Variants in SATB1 observed in about 807,000 individuals in gnomAD.
SATB1 encodes the protein DNA-binding protein SATB1.
SATB1 carries 11 observed loss-of-function variants against 86.9 expected under a neutral mutation model. The observed-to-expected ratio is 0.13, with a 90% CI of 0.08 to 0.21. SATB1 has a LOEUF of 0.21. SATB1 is among the 10% of genes least tolerant of loss of function. The pLI, the probability that SATB1 is intolerant of heterozygous loss-of-function variation, is 1.00. For missense variants in SATB1, 551 were observed against 937.6 expected (o/e 0.59, Z 5.39); for synonymous variants, 357 against 357.2 (o/e 1.00, Z 0.01).
intron 8 of SATB1, among the ~76,000 whole-genome samples, chr3:18,382,489 A>G (rs185602345): frequency 5.3e-5 from 8 of 152,330 alleles, no homozygotes; most frequent in Admixed American, 2.0e-4. Context: ...TCTGTAAAAT[A>G]TACAATTCTC....
rs768860584 is a variant in SATB1 at position 18,397,146 on chromosome 3, T to G, written c.751+33A>C. On this transcript the variant is annotated intron_variant, in intron 6 of 10. Coordinates refer to ENST00000338745, the MANE Select transcript of SATB1 (RefSeq NM_002971.6). The stretch of plus-strand genomic sequence containing the variant: ...AACCCCCAAATGACACGTAATGGTA[T>G]GTAGCCACTGCTGCAATGTTTTTTT... 3 of 1,157,968 alleles carry G rather than the reference T, an allele frequency of 2.6e-6. No homozygotes were observed. In the African/African-American group the frequency reaches 4.5e-5, roughly 18 times the overall value. 71.7% of individuals were successfully genotyped at this position (1,157,968 alleles called of 1,614,324 possible).
intron 2 of SATB1, 196 bp downstream of exon 2, chr3:18,420,561 C>T (rs549036042): frequency 1.9e-4 from 114 of 588,522 alleles, no homozygotes; most frequent in African/African-American, 1.7e-3. Context: ...TACAGTAGAA[C>T]GCTCCACCCA....
At chr3:18,362,076 T>A (rs1694929743) in intron 9 of SATB1, among the ~76,000 whole-genome samples, 1 of 152,172 alleles carries the variant, frequency 6.6e-6, no homozygotes, top group South Asian at 2.1e-4. Flanking sequence ...TTTTCTTGTC[T>A]GTCTCTTCCA....
Position 18,417,006 on chromosome 3 carries a change from T to A in SATB1, c.284A>T (p.His95Leu). 2 of 1,613,704 alleles carry A rather than the reference T, an allele frequency of 1.2e-6. No individual in the cohort carries two copies. Among genetic ancestry groups the A allele is most frequent in the Non-Finnish European group, 1.7e-6 (2 of 1,179,682 alleles). Residue 95 changes from histidine (H) to leucine (L), a missense_variant, in exon 3 of 11, where the codon CAT (histidine) becomes CTT (leucine). By Grantham distance (99) the His-to-Leu change is moderately conservative. Transcript: ENST00000338745. ...NAIEYDCKEE[H>L]AEFVLVRKDM... ...CTTTCTCACCAGCACAAATTCTGCA[T>A]GCTCCTCCTTGCAATCATATTCAAT...
chr3:18,378,399 C>G, intron 8 of SATB1, 74 bp from the exon 9 acceptor site: 1 of 1,397,290 alleles, frequency 7.2e-7, no homozygotes, highest in East Asian at 2.3e-5. Context: ...GCTCAGCATC[C>G]AAACTGGACA....
chr3:18,438,671 C>A (rs983869293), exon 1 of SATB1: 1 of 152,234 alleles, frequency 6.6e-6, no homozygotes, highest in Non-Finnish European at 1.5e-5. Flanking sequence ...GCACTGCTAG[C>A]AAGGCAGAAA....
Position 18,345,626 on chromosome 3 carries a change from T to A in SATB1, c.*3544A>T, listed in dbSNP as rs1481627656. 1 of 152,104 alleles carries A rather than the reference T, an allele frequency of 6.6e-6. No homozygotes were observed. The highest frequency in any genetic ancestry group is 1.5e-5 in the Non-Finnish European group (1 of 67,954). 9.4% of individuals were successfully genotyped at this position (152,104 alleles called of 1,614,324 possible). On this transcript the variant is annotated 3_prime_UTR_variant, in exon 11 of 11. Coordinates refer to ENST00000338745, the MANE Select transcript of SATB1 (RefSeq NM_002971.6). ...AAGCCCTCTTAAAAAGTCAAAAATA[T>A]GCATAAAGAAGACTAGTATTGATAT...
upstream of SATB1, among the ~76,000 whole-genome samples, chr3:18,443,077 T>A (rs1699282015): frequency 6.6e-6 from 1 of 152,204 alleles, no homozygotes. This position sits in a 1 kb window ranked among gnomAD's most constrained non-coding sequence, Gnocchi z 4.4. Context: ...GACCACAGAA[T>A]AAATCTCACA....
chr3:18,415,915 A>G, intron 4 of SATB1, 92 bp downstream of exon 4: 1 of 1,284,318 alleles, frequency 7.8e-7, no homozygotes, highest in Non-Finnish European at 1.1e-6. Flanking sequence ...CACAGACTAA[A>G]AAAAAATTGA....
At position 18,435,689 on chromosome 3, in the gene SATB1, T is replaced by TA. The variant is rs981048730; in HGVS notation, c.-25+1099dup. 2.4e-4 allele frequency among the ~76,000 whole-genome samples: 37 copies of TA among 151,054 alleles called. 1 individual carries two copies. The highest frequency in any genetic ancestry group is 3.4e-3 in the Middle Eastern group (1 of 294). The stretch of plus-strand genomic sequence containing the variant: ...AGGTAATCTACAGATAGAGAATCAT[T>TA]AAAAAAAAATAAAGCAAGCCAGTAG... On this transcript the variant is annotated intron_variant, in intron 2 of 3. Transcript: ENST00000414509.
intron 7 of SATB1, among the ~76,000 whole-genome samples, chr3:18,393,294 C>G (rs1696783877): frequency 6.6e-6 from 1 of 152,108 alleles, no homozygotes; most frequent in South Asian, 2.1e-4. Context: ...TGTCCTTCTT[C>G]TAATCAAAGT....
At chr3:18,367,461 T>C (rs1695241677) in intron 9 of SATB1, among the ~76,000 whole-genome samples, 1 of 152,206 alleles carries the variant, frequency 6.6e-6, no homozygotes, top group Non-Finnish European at 1.5e-5. Flanking sequence ...GCAGAGTGAC[T>C]GAGGATGGTG....
intron 5 of SATB1, chr3:18,410,762 T>A (rs867926447): frequency 7.1e-6 from 2 of 283,356 alleles, no homozygotes; most frequent in Non-Finnish European, 6.4e-6. Context: ...TAAAACTGAT[T>A]TAAAATTTTA....
intron 6 of SATB1, among the ~76,000 whole-genome samples, chr3:18,395,706 T>A (rs1327410371): frequency 6.6e-6 from 1 of 152,198 alleles, no homozygotes; most frequent in African/African-American, 2.4e-5. Context: ...AAAGACAATC[T>A]TGCAGGGAAT....
intron 8 of SATB1, among the ~76,000 whole-genome samples, chr3:18,379,319 T>C (rs1325854752): frequency 6.6e-6 from 1 of 152,188 alleles, no homozygotes; most frequent in African/African-American, 2.4e-5. Flanking sequence ...ATAAAAACCA[T>C]GTAGCTGATT....
upstream of SATB1, among the ~76,000 whole-genome samples, chr3:18,427,638 G>C (rs907797583): frequency 4.6e-5 from 7 of 152,076 alleles, no homozygotes; most frequent in African/African-American, 1.4e-4. Context: ...CTAATGACCT[G>C]GTGAATGCTA....
At chr3:18,362,860 CAAA>C (rs35470564) in intron 9 of SATB1, among the ~76,000 whole-genome samples, 21 of 32,292 alleles carry the variant, frequency 6.5e-4, no homozygotes, top group African/African-American at 1.3e-3. Flanking sequence ...ATGCCATGTG[CAAA>C]AAAAAAAAAA....
intron 5 of SATB1, among the ~76,000 whole-genome samples, chr3:18,406,615 A>C (rs1697551034): frequency 6.6e-6 from 1 of 152,058 alleles, no homozygotes; most frequent in African/African-American, 2.4e-5. Context: ...TTAAGCATTC[A>C]GACCTCTGAG....
In SATB1 at chr3:18,401,692, A is replaced by G. The variant is rs539195668; in HGVS notation, c.640-4402T>C. ...CACAGCTTCCAGTGTTGGGAAATAC[A>G]ATTTCAAAGTTGGCAGAAATTGGCT... On this transcript the variant is annotated intron_variant, in intron 5 of 10. Coordinates refer to ENST00000338745, the MANE Select transcript of SATB1 (RefSeq NM_002971.6). Among the ~76,000 whole-genome samples the G allele has an allele frequency of 3.9e-5, 6 of 152,296 alleles. No individual in the cohort carries two copies. The South Asian group carries it at 1.2e-3, about 32-fold the overall frequency.
Sources: allele counts gnomAD v4.1 joint callset (sites outside exome capture counted in the v4.1 genomes callset), GRCh38; gene constraint gnomAD v4.1.1; non-coding constraint Gnocchi (gnomAD v3.1); transcripts MANE v1.5; gene names NCBI Gene and HGNC (gene_info 2026-07-23, HGNC 2026-07-21).